The following CNTN6 variants were observed in gnomAD, a reference collection of about 807,000 sequenced individuals.
CNTN6 encodes the protein contactin 6, also known as contactin-6.
CNTN6 carries 137 observed loss-of-function variants against 122.8 expected under a neutral mutation model. The ratio of observed to expected loss-of-function variants is 1.12; its 90% CI spans 0.97 to 1.29. The LOEUF is 1.29. Among genes scored for constraint, CNTN6 ranks in the 50% most tolerant of loss-of-function variants. CNTN6 has a pLI of 0.00. For missense variants in CNTN6, 1,634 were observed against 1,223.4 expected (o/e 1.34, Z -5.01); for synonymous variants, 570 against 426.0 (o/e 1.34, Z -4.16).
chr3:1,162,392 A>G (rs2093155912), intron 2 of CNTN6, among the ~76,000 whole-genome samples: 1 of 147,724 alleles, frequency 6.8e-6, no homozygotes, highest in Admixed American at 6.7e-5. Context: ...TGTACAGCTC[A>G]GAAGGGAGGG....
At chr3:1,271,495 AGTG>A (rs767000508) in intron 4 of CNTN6, among the ~76,000 whole-genome samples, 6 of 152,242 alleles carry the variant, frequency 3.9e-5, no homozygotes, top group Non-Finnish European at 7.3e-5. Context: ...AAAATCTGGT[AGTG>A]GTGATGCACC....
chr3:1,351,441 G>T (rs1026774408), intron 11 of CNTN6, among the ~76,000 whole-genome samples: 5 of 151,608 alleles, frequency 3.3e-5, no homozygotes, highest in Non-Finnish European at 7.4e-5. Flanking sequence ...AACTACATTT[G>T]TAAGATATAA....
intron 5 of CNTN6, among the ~76,000 whole-genome samples, chr3:1,291,631 A>C (rs1171272240): frequency 6.6e-6 from 1 of 152,232 alleles, no homozygotes; most frequent in African/African-American, 2.4e-5. Flanking sequence ...AGTCAATGAC[A>C]ACAGGGGAAT....
chr3:1,120,995 T>G (rs1243605538), intron 1 of CNTN6, among the ~76,000 whole-genome samples: 1 of 152,002 alleles, frequency 6.6e-6, no homozygotes, highest in South Asian at 2.1e-4. Context: ...TTGAATATTT[T>G]CTACATTTCT....
intron 4 of CNTN6, among the ~76,000 whole-genome samples, chr3:1,236,629 A>G (rs966205359): frequency 2.6e-5 from 4 of 152,210 alleles, no homozygotes; most frequent in Non-Finnish European, 4.4e-5. Flanking sequence ...TACCCGAATG[A>G]GAAGAAACCA....
At chr3:1,273,524 TA>T (rs1440099934) in intron 4 of CNTN6, among the ~76,000 whole-genome samples, 1 of 152,170 alleles carries the variant, frequency 6.6e-6, no homozygotes, top group Non-Finnish European at 1.5e-5. Context: ...AGCAGAAGGG[TA>T]TTTGAAATAC....
At chr3:1,318,385 A>G (rs1700408085) in intron 7 of CNTN6, among the ~76,000 whole-genome samples, 1 of 151,756 alleles carries the variant, frequency 6.6e-6, no homozygotes, top group Non-Finnish European at 1.5e-5. Context: ...GTGTGTCTAA[A>G]GCCTATATAA....
intron 2 of CNTN6, among the ~76,000 whole-genome samples, chr3:1,216,501 A>G (rs116601028): frequency 0.014 from 2,071 of 152,328 alleles, 53 homozygotes; most frequent in African/African-American, 0.047. Context: ...CGTCTCACAC[A>G]TTTCATTAGG....
At chr3:1,286,531 C>T (rs940086655) in intron 5 of CNTN6, among the ~76,000 whole-genome samples, 1 of 152,088 alleles carries the variant, frequency 6.6e-6, no homozygotes, top group Admixed American at 6.6e-5. Flanking sequence ...ATGAACTCAT[C>T]CTTTTTTATG....
chr3:1,231,747 AT>A (rs1420391090), intron 4 of CNTN6, among the ~76,000 whole-genome samples: 1 of 152,254 alleles, frequency 6.6e-6, no homozygotes, highest in Non-Finnish European at 1.5e-5. Flanking sequence ...CTATTGTCAT[AT>A]AATCTGTCCT....
intron 2 of CNTN6, among the ~76,000 whole-genome samples, chr3:1,192,919 C>A (rs1023602940): frequency 6.6e-6 from 1 of 152,138 alleles, no homozygotes; most frequent in Non-Finnish European, 1.5e-5. Flanking sequence ...TTGAACAACT[C>A]AAAAATTCCA....
At chr3:1,280,282 C>G (rs1693139221) in intron 5 of CNTN6, among the ~76,000 whole-genome samples, 2 of 151,926 alleles carry the variant, frequency 1.3e-5, no homozygotes, top group South Asian at 4.2e-4. Context: ...ACCTTGTCAC[C>G]TATCACCATT....
chr3:1,245,275 AC>A (rs1337071638), intron 4 of CNTN6, among the ~76,000 whole-genome samples: 715 of 4,542 alleles, frequency 0.16, 148 homozygotes, highest in South Asian at 0.22. Context: ...ATATATATAT[AC>A]ACACACATAT....
At chr3:1,269,393 A>G (rs564072478) in intron 4 of CNTN6, among the ~76,000 whole-genome samples, 44 of 152,312 alleles carry the variant, frequency 2.9e-4, no homozygotes, top group Non-Finnish European at 5.1e-4. Flanking sequence ...TTTCAGGAAC[A>G]CCAAAGGCCA....
At chr3:1,169,799 T>G in intron 2 of CNTN6, among the ~76,000 whole-genome samples, 1 of 152,226 alleles carries the variant, frequency 6.6e-6, no homozygotes, top group Middle Eastern at 3.2e-3. Flanking sequence ...TTTGATAAAC[T>G]TTGGTCATTC....
At chr3:1,115,972 G>T (rs1271373159) in intron 1 of CNTN6, among the ~76,000 whole-genome samples, 1 of 152,116 alleles carries the variant, frequency 6.6e-6, no homozygotes, top group Admixed American at 6.6e-5. Context: ...GAATGCTAAA[G>T]AATTTTTAAT....
At chr3:1,276,020 A>C (rs1384513368) in intron 4 of CNTN6, among the ~76,000 whole-genome samples, 1 of 152,212 alleles carries the variant, frequency 6.6e-6, no homozygotes, top group Non-Finnish European at 1.5e-5. Flanking sequence ...AAACAATACC[A>C]ATAATTTGTT....
chr3:1,388,259 C>T (rs28812317), intron 20 of CNTN6, among the ~76,000 whole-genome samples: 1,866 of 149,128 alleles, frequency 0.013, 46 homozygotes, highest in African/African-American at 0.044. Context: ...TGACCCCTGA[C>T]CCCCGAGCAG....
At position 1,226,130 on chromosome 3, in the gene CNTN6, C is replaced by T. The variant is rs141393313; in HGVS notation, c.183-1688C>T. Among the ~76,000 whole-genome samples, 304 of 152,206 alleles carry T rather than the reference C, an allele frequency of 2.0e-3. 3 individuals are homozygous for T. The highest frequency in any genetic ancestry group is 6.8e-3 in the African/African-American group (282 of 41,538). On this transcript the variant is annotated intron_variant, in intron 3 of 22. Coordinates refer to ENST00000446702, the MANE Select transcript of CNTN6 (RefSeq NM_001289080.2). Reference sequence around the variant, plus strand: ...CTGGCCTCAAGCTATCTGCCCACCACGGCCTCCCAAAGTGCTGGGATTACA... The same window carrying T: ...CTGGCCTCAAGCTATCTGCCCACCATGGCCTCCCAAAGTGCTGGGATTACA...
Sources: allele counts gnomAD v4.1 joint callset (sites outside exome capture counted in the v4.1 genomes callset), GRCh38; gene constraint gnomAD v4.1.1; transcripts MANE v1.5; gene names NCBI Gene and HGNC (gene_info 2026-07-23, HGNC 2026-07-21).